Variants in ELMO1 observed in about 807,000 individuals in gnomAD.
The protein encoded by ELMO1 is engulfment and cell motility 1.
Under a neutral mutation model 98.9 loss-of-function variants are expected in ELMO1, and 26 were observed. That is an observed-to-expected ratio of 0.26 (90% confidence interval 0.19 to 0.36). The LOEUF (loss-of-function observed/expected upper bound fraction) is 0.36, where lower values mean the gene tolerates loss of function less well. Ranked by LOEUF, ELMO1 falls within the 10% of genes least tolerant of loss-of-function variation. ELMO1 has a pLI of 1.00. For missense variants in ELMO1, 627 were observed against 935.2 expected (o/e 0.67, Z 4.30); for synonymous variants, 346 against 346.0 (o/e 1.00, Z 0.00).
intron 16 of ELMO1, among the ~76,000 whole-genome samples, chr7:36,974,042 G>C (rs947929650): frequency 2.0e-5 from 3 of 152,216 alleles, no homozygotes; most frequent in African/African-American, 7.2e-5. Flanking sequence ...GGGCTCCTGT[G>C]CGTCTGGAGC....
intron 15 of ELMO1, among the ~76,000 whole-genome samples, chr7:37,062,901 A>G (rs1171945263): frequency 6.6e-6 from 1 of 152,158 alleles, no homozygotes; most frequent in Non-Finnish European, 1.5e-5. Flanking sequence ...ACTTTCCAGG[A>G]AAAGAAAGGT....
chr7:37,061,036 G>T (rs1196222509), intron 15 of ELMO1, among the ~76,000 whole-genome samples: 1 of 152,136 alleles, frequency 6.6e-6, no homozygotes, highest in African/African-American at 2.4e-5. Context: ...TTTTGGTTTT[G>T]CAAAGATGAT....
intron 16 of ELMO1, among the ~76,000 whole-genome samples, chr7:36,900,499 T>C (rs1562808758): frequency 6.6e-6 from 1 of 152,212 alleles, no homozygotes; most frequent in Admixed American, 6.5e-5. Context: ...ACAAGGTTTA[T>C]AAAGCACACT....
intron 15 of ELMO1, among the ~76,000 whole-genome samples, chr7:37,051,722 C>T (rs572297272): frequency 6.8e-4 from 104 of 152,202 alleles, no homozygotes; most frequent in African/African-American, 2.5e-3. Flanking sequence ...AGGAATTTTG[C>T]TATTAAAATC....
intron 16 of ELMO1, among the ~76,000 whole-genome samples, chr7:36,971,764 A>C (rs1218481183): frequency 6.6e-6 from 1 of 152,238 alleles, no homozygotes; most frequent in Non-Finnish European, 1.5e-5. Context: ...ATCTCGAGTG[A>C]CTGATGAAAC....
intron 13 of ELMO1, among the ~76,000 whole-genome samples, chr7:37,150,810 C>T (rs189353521): frequency 6.6e-4 from 101 of 152,240 alleles, no homozygotes; most frequent in African/African-American, 2.1e-3. Flanking sequence ...CCATATCTTT[C>T]TAACTTTTTG....
At chr7:37,417,299 G>A (rs1249974247) in intron 1 of ELMO1, among the ~76,000 whole-genome samples, 1 of 152,108 alleles carries the variant, frequency 6.6e-6, no homozygotes, top group East Asian at 1.9e-4. Context: ...TTAAAACGAG[G>A]TCATTTGGGC....
intron 16 of ELMO1, among the ~76,000 whole-genome samples, chr7:36,928,339 T>C (rs1180820651): frequency 6.6e-6 from 1 of 152,162 alleles, no homozygotes; most frequent in Non-Finnish European, 1.5e-5. Flanking sequence ...ACGGCAATGC[T>C]TACCCTTCCC....
chr7:37,186,476 C>T (rs1374118372), intron 13 of ELMO1, among the ~76,000 whole-genome samples: 2 of 151,932 alleles, frequency 1.3e-5, no homozygotes, highest in Non-Finnish European at 1.5e-5. Flanking sequence ...AAATAAAAAT[C>T]AAATTTAAAA....
intron 6 of ELMO1, among the ~76,000 whole-genome samples, chr7:37,258,908 A>T (rs767923237): frequency 1.3e-5 from 2 of 152,076 alleles, no homozygotes; most frequent in Non-Finnish European, 2.9e-5. Context: ...CCTCTGAGAT[A>T]ATGGCATGAT....
intron 4 of ELMO1, among the ~76,000 whole-genome samples, chr7:37,309,477 A>C (rs553643865): frequency 6.6e-6 from 1 of 152,348 alleles, no homozygotes; most frequent in African/African-American, 2.4e-5. Flanking sequence ...GACTGGCCCA[A>C]CAGGAGCTAG....
intron 1 of ELMO1, among the ~76,000 whole-genome samples, chr7:37,376,666 T>C (rs1442522959): frequency 6.6e-6 from 1 of 152,090 alleles, no homozygotes; most frequent in African/African-American, 2.4e-5. Flanking sequence ...GCAGCACTCA[T>C]TCCCTAGCCT....
chr7:37,244,405 AAAC>A lies in ELMO1; in HGVS notation c.414-17_414-15del. ...TTCTGGTATCGCCTGCAAAATTTAA[AAAC>A]AACCATGTGAGGAGCATACTTAAAA... On this transcript the variant is annotated splice_polypyrimidine_tract_variant and intron_variant, in intron 6 of 21. Coordinates refer to ENST00000310758, the MANE Select transcript of ELMO1 (RefSeq NM_014800.11). The A allele has an allele frequency of 6.2e-7, 1 of 1,612,428 alleles. No individual in the cohort carries two copies. Among genetic ancestry groups the A allele is most frequent in the Non-Finnish European group, 8.5e-7 (1 of 1,179,626 alleles).
chr7:37,168,047 CT>C (rs1364843544), intron 13 of ELMO1, among the ~76,000 whole-genome samples: 1 of 151,414 alleles, frequency 6.6e-6, no homozygotes, highest in East Asian at 1.9e-4. Context: ...TCTTTTTATT[CT>C]TTTTTCTCTA....
intron 4 of ELMO1, among the ~76,000 whole-genome samples, chr7:37,293,789 CTG>C (rs1797889184): frequency 8.1e-6 from 1 of 122,968 alleles, no homozygotes; most frequent in Non-Finnish European, 1.8e-5. Flanking sequence ...AAAAAAGGAA[CTG>C]TTAAATTTAA....
intron 1 of ELMO1, among the ~76,000 whole-genome samples, chr7:37,375,015 C>T (rs1802277826): frequency 6.6e-6 from 1 of 151,984 alleles, no homozygotes; most frequent in African/African-American, 2.4e-5. Context: ...GCTGAGATCA[C>T]ACCACTGCAC....
chr7:37,406,676 T>C (rs1803781030), intron 1 of ELMO1, among the ~76,000 whole-genome samples: 1 of 152,068 alleles, frequency 6.6e-6, no homozygotes, highest in Non-Finnish European at 1.5e-5. Context: ...ACTCCTGACC[T>C]TGTGATCTGC....
At chr7:37,047,409 AC>A (rs1795855605) in intron 15 of ELMO1, among the ~76,000 whole-genome samples, 1 of 152,234 alleles carries the variant, frequency 6.6e-6, no homozygotes, top group African/African-American at 2.4e-5. Flanking sequence ...GACTGACATG[AC>A]ACCTTGGCCC....
intron 16 of ELMO1, among the ~76,000 whole-genome samples, chr7:36,971,645 T>A (rs1433007423): frequency 2.0e-5 from 3 of 152,198 alleles, no homozygotes; most frequent in Non-Finnish European, 4.4e-5. Context: ...CTCACTAAAT[T>A]TACTCTTTGA....
Sources: allele counts gnomAD v4.1 joint callset (sites outside exome capture counted in the v4.1 genomes callset), GRCh38; gene constraint gnomAD v4.1.1; transcripts MANE v1.5; gene names NCBI Gene and HGNC (gene_info 2026-07-23, HGNC 2026-07-21).